YAE1: variants seen among roughly 807,000 people sequenced by gnomAD.
YAE1 encodes the protein protein YAE1 homolog.
In YAE1, 22 loss-of-function variants were observed where a neutral mutation model predicts 23.0. The ratio of observed to expected loss-of-function variants is 0.96; its 90% confidence interval spans 0.68 to 1.37. YAE1 has a LOEUF of 1.37. Among genes scored for constraint, YAE1 ranks in the 40% most tolerant of loss-of-function variants. The pLI is 0.00. For missense variants in YAE1, 260 were observed against 262.1 expected (o/e 0.99, Z 0.06); for synonymous variants, 101 against 97.0 (o/e 1.04, Z -0.24).
At chr7:39,609,737 G>A in exon 3 of YAE1, 4 of 1,535,464 alleles carry the variant, frequency 2.6e-6, no homozygotes, top group Non-Finnish European at 3.5e-6. Context: ...GGGCGACACC[G>A]AAGCAGCCCA....
chr7:39,596,296 C>A (rs1441252936), intron 2 of YAE1, among the ~76,000 whole-genome samples: 1 of 152,108 alleles, frequency 6.6e-6, no homozygotes, highest in African/African-American at 2.4e-5. Flanking sequence ...CCAATTGAAC[C>A]AATTTGGTTC....
chr7:39,604,037 T>C (rs1055276784), intron 2 of YAE1, among the ~76,000 whole-genome samples: 1 of 152,184 alleles, frequency 6.6e-6, no homozygotes. Context: ...ATAAGAGAGT[T>C]TAATATCTAC....
intron 2 of YAE1, among the ~76,000 whole-genome samples, chr7:39,603,250 T>C (rs1726443174): frequency 6.6e-6 from 1 of 152,196 alleles, no homozygotes; most frequent in African/African-American, 2.4e-5. Context: ...GCCATTCTCC[T>C]GCGTCAGCCT....
intron 1 of YAE1, 43 bp from the exon 2 acceptor site, chr7:39,570,463 A>G (rs746245498): frequency 1.5e-5 from 24 of 1,599,940 alleles, no homozygotes; most frequent in African/African-American, 4.1e-5. Context: ...GCCTACATGT[A>G]TATACTTAGT....
chr7:39,610,263 A>T (rs1791191485), exon 3 of YAE1: 2 of 533,556 alleles, frequency 3.7e-6, no homozygotes, highest in African/African-American at 3.8e-5. Context: ...GACAAGCCCA[A>T]CAAACTATGT....
intron 2 of YAE1, among the ~76,000 whole-genome samples, chr7:39,597,927 T>C (rs1791000018): frequency 6.6e-6 from 1 of 152,086 alleles, no homozygotes; most frequent in Admixed American, 6.6e-5. Flanking sequence ...TCTAAGGAAA[T>C]GGGGAGGAAA....
chr7:39,586,165 CT>C (rs1442287188), intron 2 of YAE1, among the ~76,000 whole-genome samples: 2 of 149,020 alleles, frequency 1.3e-5, no homozygotes, highest in African/African-American at 5.1e-5. Context: ...TCTTTTTCTT[CT>C]TTTTTTCCTC....
intron 2 of YAE1, among the ~76,000 whole-genome samples, chr7:39,604,002 A>C (rs1375226564): frequency 6.6e-6 from 1 of 152,214 alleles, no homozygotes; most frequent in East Asian, 1.9e-4. Context: ...GTAACAGAAA[A>C]CCTTAATTCA....
At chr7:39,571,611 G>C (rs1790567572) in intron 2 of YAE1, among the ~76,000 whole-genome samples, 1 of 152,122 alleles carries the variant, frequency 6.6e-6, no homozygotes, top group African/African-American at 2.4e-5. Flanking sequence ...CATAACCTTA[G>C]AAAGCTACTG....
chr7:39,575,537 G>GGAGAGAGAGAGAGA (rs56954676), downstream of YAE1, among the ~76,000 whole-genome samples: 71 of 131,228 alleles, frequency 5.4e-4, no homozygotes, highest in African/African-American at 8.7e-4. Context: ...CTAAGATACA[G>GGAGAGAGAGAGAGA]GAGAGAGAGA....
intron 2 of YAE1, among the ~76,000 whole-genome samples, chr7:39,579,276 C>T (rs1447532122): frequency 2.0e-5 from 3 of 152,132 alleles, no homozygotes; most frequent in Non-Finnish European, 4.4e-5. Context: ...TACTAAATGG[C>T]CCACTTGAGA....
At chr7:39,609,870 A>G (rs750814336) in exon 3 of YAE1, 2 of 1,534,170 alleles carry the variant, frequency 1.3e-6, no homozygotes, top group South Asian at 1.2e-5. Flanking sequence ...TTTCAGACGC[A>G]AACCCCACCG....
At chr7:39,602,212 T>C (rs1048679913) in intron 2 of YAE1, among the ~76,000 whole-genome samples, 1 of 152,220 alleles carries the variant, frequency 6.6e-6, no homozygotes, top group Non-Finnish European at 1.5e-5. Flanking sequence ...TAGAGATGCA[T>C]TATTAAATTC....
At chr7:39,610,270 A>G (rs911233587) in exon 3 of YAE1, 15 of 522,284 alleles carry the variant, frequency 2.9e-5, no homozygotes, top group Admixed American at 2.3e-4. Context: ...CCAACAAACT[A>G]TGTGTCTTGA....
At chr7:39,569,826 T>C (rs1160188563) in intron 1 of YAE1, 8 of 802,892 alleles carry the variant, frequency 1.0e-5, no homozygotes, top group Admixed American at 5.1e-5. Flanking sequence ...ACTTATAAAG[T>C]TTATGAAGTC....
intron 2 of YAE1, among the ~76,000 whole-genome samples, chr7:39,604,805 T>C (rs938684080): frequency 1.6e-4 from 24 of 152,194 alleles, no homozygotes; most frequent in African/African-American, 5.6e-4. Context: ...TATCACATTT[T>C]ATGAAAACTG....
At chr7:39,591,121 G>C (rs1212054898) in intron 2 of YAE1, among the ~76,000 whole-genome samples, 1 of 152,178 alleles carries the variant, frequency 6.6e-6, no homozygotes, top group Non-Finnish European at 1.5e-5. Flanking sequence ...GTGCACATGT[G>C]TTGGGGTGTC....
At chr7:39,577,820 C>T (rs977583261), downstream of YAE1, among the ~76,000 whole-genome samples, 1 of 152,226 alleles carries the variant, frequency 6.6e-6, no homozygotes, top group Non-Finnish European at 1.5e-5. Context: ...GCTCCGCCTG[C>T]GGCCCAGTGC....
At chr7:39,601,023 CT>C (rs1459924389) in intron 2 of YAE1, among the ~76,000 whole-genome samples, 1 of 152,188 alleles carries the variant, frequency 6.6e-6, no homozygotes, top group Non-Finnish European at 1.5e-5. Flanking sequence ...CTATCATCAT[CT>C]TCATATGCTG....
Sources: gnomAD v4.1 joint callset for allele counts (sites outside exome capture counted in the v4.1 genomes callset) on GRCh38, gnomAD v4.1.1 for gene constraint, MANE v1.5 for transcripts, NCBI Gene and HGNC (gene_info 2026-07-23, HGNC 2026-07-21) for gene names.